The following RGS8 variants were observed in gnomAD, a reference collection of about 807,000 sequenced individuals.
The protein encoded by RGS8 is regulator of G protein signaling 8, also known as regulator of G-protein signaling 8.
RGS8 carries 8 observed loss-of-function variants against 21.7 expected under a neutral mutation model. The observed-to-expected ratio is 0.37, with a 90% confidence interval of 0.22 to 0.66. The LOEUF (loss-of-function observed/expected upper bound fraction) is 0.66, where lower values mean the gene tolerates loss of function less well. Among genes scored for constraint, RGS8 ranks in the 30% least tolerant of loss-of-function variants. The probability of loss-of-function intolerance (pLI) is 0.59; values close to 1 mark genes in which losing one functional copy is unlikely to be tolerated. For missense variants in RGS8, 157 were observed against 217.9 expected (o/e 0.72, Z 1.76); for synonymous variants, 80 against 83.6 (o/e 0.96, Z 0.24).
At chr1:182,665,688 C>G (rs918089310) in intron 5 of RGS8, among the ~76,000 whole-genome samples, 90 of 152,232 alleles carry the variant, frequency 5.9e-4, no homozygotes, top group African/African-American at 2.2e-3. Flanking sequence ...TTCCAAACCC[C>G]TAAGCTAAAC....
chr1:182,744,278 C>T, the RGS8 span, among the ~76,000 whole-genome samples: 25 of 152,084 alleles, frequency 1.6e-4, no homozygotes, highest in African/African-American at 6.0e-4. Flanking sequence ...CACATCACCA[C>T]ATCTGGCTAA....
chr1:182,702,701 T>C, the RGS8 span, among the ~76,000 whole-genome samples: 21 of 152,340 alleles, frequency 1.4e-4, no homozygotes, highest in Middle Eastern at 3.4e-3. Context: ...CATGACTTCC[T>C]AAAGAAATTC....
chr1:182,688,330 TAC>T (rs935669521), upstream of RGS8, among the ~76,000 whole-genome samples: 139 of 151,928 alleles, frequency 9.1e-4, no homozygotes, highest in African/African-American at 3.2e-3. Context: ...TAGTAGATAG[TAC>T]ACACACACAC....
At position 182,652,519 on chromosome 1, in the gene RGS8, A is replaced by G. The variant is rs1019857392; in HGVS notation, c.194-4216T>C. Among the ~76,000 whole-genome samples, 5 of 152,254 alleles carry G rather than the reference A, an allele frequency of 3.3e-5. 1 individual carries two copies. The South Asian group carries it at 1.0e-3, about 32-fold the overall frequency. On this transcript the variant is annotated intron_variant, in intron 5 of 6. Coordinates refer to ENST00000483095, the Ensembl canonical transcript of RGS8. ...ACTTGCCCGATTTCACATAGCTAAC[A>G]ATATGTAGCATTGAAAACTTCATAT...
the RGS8 span, among the ~76,000 whole-genome samples, chr1:182,690,061 C>T: frequency 6.6e-6 from 1 of 152,182 alleles, no homozygotes; most frequent in Non-Finnish European, 1.5e-5. Context: ...CCCAGCTCAG[C>T]CACTTACCAG....
At chr1:182,683,795 G>C (rs1024702921) in intron 1 of RGS8, among the ~76,000 whole-genome samples, 4 of 152,152 alleles carry the variant, frequency 2.6e-5, no homozygotes, top group Non-Finnish European at 4.4e-5. Context: ...CATTGTGATT[G>C]TGAGTTCTTC....
chr1:182,732,562 C>T, the RGS8 span, among the ~76,000 whole-genome samples: 1 of 152,162 alleles, frequency 6.6e-6, no homozygotes, highest in African/African-American at 2.4e-5. Flanking sequence ...AATCCTTTGG[C>T]CACAATGTCT....
At chr1:182,679,798 G>A (rs555984401) in intron 1 of RGS8, among the ~76,000 whole-genome samples, 64 of 151,678 alleles carry the variant, frequency 4.2e-4, no homozygotes, top group Non-Finnish European at 7.4e-4. Flanking sequence ...TTTATCCGCC[G>A]CCCTCACCAC....
chr1:182,674,150 C>T (rs772604435), upstream of RGS8, among the ~76,000 whole-genome samples: 12 of 152,218 alleles, frequency 7.9e-5, no homozygotes, highest in South Asian at 6.2e-4. Context: ...ACTAAAACAG[C>T]GGAACAAAGG....
the RGS8 span, among the ~76,000 whole-genome samples, chr1:182,726,388 C>T: frequency 1.3e-5 from 2 of 152,058 alleles, no homozygotes; most frequent in Non-Finnish European, 2.9e-5. Flanking sequence ...TGCCATGCCA[C>T]GGCCAGGTGC....
chr1:182,641,866 G>A (rs933667717), downstream of RGS8: 1 of 152,156 alleles, frequency 6.6e-6, no homozygotes, highest in African/African-American at 2.4e-5. Flanking sequence ...TTATAGTAAA[G>A]GTGAATGACA....
At chr1:182,700,915 G>T in the RGS8 span, among the ~76,000 whole-genome samples, 2 of 152,196 alleles carry the variant, frequency 1.3e-5, no homozygotes, top group Non-Finnish European at 1.5e-5. Flanking sequence ...GCAGAACTGG[G>T]ATTCAAGTGC....
upstream of RGS8, among the ~76,000 whole-genome samples, chr1:182,673,913 T>C (rs1480573334): frequency 6.6e-6 from 1 of 152,236 alleles, no homozygotes; most frequent in Non-Finnish European, 1.5e-5. Flanking sequence ...AGTTAGTATG[T>C]GCCAGACACT....
intron 4 of RGS8, among the ~76,000 whole-genome samples, chr1:182,666,654 G>C (rs550570636): frequency 6.9e-6 from 1 of 145,192 alleles, no homozygotes; most frequent in African/African-American, 2.6e-5. Flanking sequence ...GGCTTACTTA[G>C]GAAAAAAAAA....
intron 5 of RGS8, among the ~76,000 whole-genome samples, chr1:182,663,730 T>A (rs1663715525): frequency 6.6e-6 from 1 of 152,118 alleles, no homozygotes; most frequent in African/African-American, 2.4e-5. Context: ...GGTCTCACTA[T>A]GTTTCCCAAG....
chr1:182,720,900 T>TAC, the RGS8 span, among the ~76,000 whole-genome samples: 1 of 40,564 alleles, frequency 2.5e-5, no homozygotes, highest in African/African-American at 7.8e-5. Context: ...CACATATATA[T>TAC]ACATATGTGT....
chr1:182,671,703 G>C (rs957068515), exon 2 of RGS8: 1 of 1,614,164 alleles, frequency 6.2e-7, no homozygotes, highest in Non-Finnish European at 8.5e-7. Flanking sequence ...CCAACTGGAT[G>C]GTCAGAGAGG....
chr1:182,698,081 G>A, the RGS8 span, among the ~76,000 whole-genome samples: 1 of 152,284 alleles, frequency 6.6e-6, no homozygotes, highest in South Asian at 2.1e-4. Context: ...GATGATTATT[G>A]AAAGGGAACA....
upstream of RGS8, among the ~76,000 whole-genome samples, chr1:182,687,267 C>T (rs1464569235): frequency 6.6e-6 from 1 of 152,156 alleles, no homozygotes; most frequent in Non-Finnish European, 1.5e-5. Flanking sequence ...ACTTAAACTC[C>T]TGGCCCCTCA....
Sources: allele counts gnomAD v4.1 joint callset (sites outside exome capture counted in the v4.1 genomes callset), GRCh38; gene constraint gnomAD v4.1.1; transcripts MANE v1.5; gene names NCBI Gene and HGNC (gene_info 2026-07-23, HGNC 2026-07-21).